The following SLC7A11 variants were observed in gnomAD, a reference collection of about 807,000 sequenced individuals.
The protein encoded by SLC7A11 is cystine/glutamate transporter.
Under a neutral mutation model 54.5 loss-of-function variants are expected in SLC7A11, and 35 were observed. The observed-to-expected ratio is 0.64, with a 90% CI of 0.49 to 0.85. The LOEUF is 0.85. Among genes scored for constraint, SLC7A11 ranks in the 40% least tolerant of loss-of-function variants. SLC7A11 has a pLI of 0.00. For missense variants in SLC7A11, 583 were observed against 618.1 expected (o/e 0.94, Z 0.60); for synonymous variants, 230 against 225.2 (o/e 1.02, Z -0.19).
intron 6 of SLC7A11, among the ~76,000 whole-genome samples, chr4:138,187,707 A>T (rs192410012): frequency 1.1e-3 from 167 of 152,300 alleles, no homozygotes; most frequent in Non-Finnish European, 2.0e-3. Context: ...GAAGGGGGCA[A>T]ACTGATTTCA....
At chr4:138,180,844 T>A in intron 9 of SLC7A11, 54 bp from the exon 10 acceptor site, 2 of 1,540,792 alleles carry the variant, frequency 1.3e-6, no homozygotes, top group Non-Finnish European at 1.8e-6. Flanking sequence ...CACAGATGAT[T>A]AACAACAAAA....
At chr4:138,181,155 G>A (rs1017915411) in intron 9 of SLC7A11, among the ~76,000 whole-genome samples, 4 of 152,070 alleles carry the variant, frequency 2.6e-5, no homozygotes, top group African/African-American at 9.7e-5. Flanking sequence ...GAGATGATTA[G>A]TAAATAACCG....
At chr4:138,185,491 A>G (rs978394125) in intron 6 of SLC7A11, among the ~76,000 whole-genome samples, 24 of 152,144 alleles carry the variant, frequency 1.6e-4, no homozygotes, top group African/African-American at 5.8e-4. Context: ...ATATGGATTT[A>G]TGTCATTCAT....
intron 1 of SLC7A11, among the ~76,000 whole-genome samples, chr4:138,239,042 G>A (rs1738310395): frequency 6.6e-6 from 1 of 152,170 alleles, no homozygotes; most frequent in Non-Finnish European, 1.5e-5. Flanking sequence ...CGAGTCTGCA[G>A]ACTAATATTT....
At chr4:138,214,552 C>T in intron 6 of SLC7A11, 33 bp downstream of exon 6, 1 of 1,297,320 alleles carries the variant, frequency 7.7e-7, no homozygotes, top group Non-Finnish European at 1.1e-6. Flanking sequence ...TTTTATTCTT[C>T]ATAAAAATTT....
At chr4:138,186,952 C>T (rs1018897788) in intron 6 of SLC7A11, among the ~76,000 whole-genome samples, 2 of 152,074 alleles carry the variant, frequency 1.3e-5, no homozygotes. Context: ...GAAAAAGACT[C>T]TCTGTTCCTT....
At chr4:138,229,429 G>A (rs1487233801) in intron 3 of SLC7A11, among the ~76,000 whole-genome samples, 2 of 152,166 alleles carry the variant, frequency 1.3e-5, no homozygotes, top group African/African-American at 4.8e-5. Context: ...CTTTTTAACT[G>A]TTGCTGATTA....
rs973417880 is a variant in SLC7A11 at position 138,180,870 on chromosome 4, A to G, written c.1117-80T>C. The G allele has an allele frequency of 2.0e-5, 25 of 1,240,468 alleles. No individual in the cohort carries two copies. The African/African-American group carries it at 2.9e-4, about 14-fold the overall frequency. 76.8% of individuals were successfully genotyped at this position (1,240,468 alleles called of 1,614,324 possible). The stretch of plus-strand genomic sequence containing the variant: ...AACAACAAAAACCTCACTATGCATT[A>G]CGACCTTTTTCAAATAATTATTTAT... On this transcript the variant is annotated intron_variant, in intron 9 of 11. Transcript: ENST00000280612.
rs1480743454 is a variant in SLC7A11 at position 138,205,789 on chromosome 4, A to ATTTT, written c.791+8795_791+8796insAAAA. On this transcript the variant is annotated intron_variant, in intron 6 of 11. Coordinates refer to ENST00000280612, the MANE Select transcript of SLC7A11 (RefSeq NM_014331.4). ...GGGTGCTATGTAAGTGTGGACTGAAAAGCTGGAGACAATATAATGGCTGAC... is the reference window on the plus strand; with the variant it reads ...GGGTGCTATGTAAGTGTGGACTGAAATTTTAGCTGGAGACAATATAATGGCTGAC... Among the ~76,000 whole-genome samples, 164 of 152,176 alleles carry ATTTT rather than the reference A, an allele frequency of 1.1e-3. 2 individuals carry two copies. The highest frequency in any genetic ancestry group is 3.7e-3 in the African/African-American group (152 of 41,554).
intron 7 of SLC7A11, 108 bp downstream of exon 7, chr4:138,185,013 G>T: frequency 7.8e-7 from 1 of 1,278,046 alleles, no homozygotes; most frequent in Non-Finnish European, 1.1e-6. Context: ...TTCAGGTCAA[G>T]AAAAGATTAC....
chr4:138,180,278 C>T (rs1380896241), intron 10 of SLC7A11, among the ~76,000 whole-genome samples: 1 of 152,128 alleles, frequency 6.6e-6, no homozygotes, highest in Non-Finnish European at 1.5e-5. Flanking sequence ...ATCTCCCTTA[C>T]TCCTCCTCAC....
Position 138,169,376 on chromosome 4 carries a change from T to A in SLC7A11, c.*2580A>T, listed in dbSNP as rs1357548014. ...GATGAGTCCTAAAAATAAGCCAAAA[T>A]ACTACTTAATCTCCATCACTTTTTT... On this transcript the variant is annotated 3_prime_UTR_variant, in exon 12 of 12. Transcript: ENST00000280612. 1 of 152,118 alleles carries A rather than the reference T, an allele frequency of 6.6e-6. No homozygotes were observed. Among genetic ancestry groups the A allele is most frequent in the East Asian group, 1.9e-4 (1 of 5,192 alleles). The allele number at this position is 152,118 out of a possible 1,614,324, so 9.4% of individuals were successfully genotyped here. A position where few individuals can be genotyped will look rare whatever the true frequency, so the allele number is the denominator to read the frequency against.
intron 6 of SLC7A11, among the ~76,000 whole-genome samples, chr4:138,196,608 T>C (rs1737137750): frequency 6.6e-6 from 1 of 152,174 alleles, no homozygotes; most frequent in South Asian, 2.1e-4. Context: ...GAAATAGGCT[T>C]ACATTGATGT....
intron 11 of SLC7A11, chr4:138,174,672 C>T (rs1226522433): frequency 1.3e-5 from 2 of 152,178 alleles, no homozygotes; most frequent in East Asian, 1.9e-4. Context: ...TGGCATTCAA[C>T]TGTCATGTCT....
At chr4:138,206,517 C>T (rs1335478041) in intron 6 of SLC7A11, among the ~76,000 whole-genome samples, 1 of 151,370 alleles carries the variant, frequency 6.6e-6, no homozygotes, top group African/African-American at 2.4e-5. Flanking sequence ...AATTTTGCCT[C>T]ATAGTGGAAT....
Position 138,236,433 on chromosome 4 carries a change from T to G in SLC7A11, c.296A>C (p.Glu99Ala). 6.2e-7 allele frequency: 1 copy of G among 1,610,172 alleles called. No homozygotes were observed. Among genetic ancestry groups the G allele is most frequent in the Non-Finnish European group, 8.5e-7 (1 of 1,178,818 alleles). ...LSLFGALSYA[E>A]LGTTIKKSGG... ...AGATTTCTTTATAGTTGTTCCCAAT[T>G]CAGCATAAGACAAAGCTCCTGTGAA... Residue 99 changes from glutamate (E) to alanine (A), a missense_variant, in exon 2 of 12, where the codon GAA becomes GCA. By Grantham distance (107) the Glu-to-Ala change is moderately radical. Coordinates refer to ENST00000280612, the MANE Select transcript of SLC7A11 (RefSeq NM_014331.4).
intron 9 of SLC7A11, 23 bp downstream of exon 9, chr4:138,182,274 A>C: frequency 7.1e-7 from 1 of 1,411,000 alleles, no homozygotes. Context: ...TTATATCTAG[A>C]TATACTTGTT....
At chr4:138,189,021 C>A (rs966344268) in intron 6 of SLC7A11, among the ~76,000 whole-genome samples, 1 of 152,038 alleles carries the variant, frequency 6.6e-6, no homozygotes, top group Non-Finnish European at 1.5e-5. Flanking sequence ...GGTCTTCAGT[C>A]GAAAAGGTCT....
At chr4:138,217,391 C>T (rs1737705125) in intron 5 of SLC7A11, among the ~76,000 whole-genome samples, 1 of 152,108 alleles carries the variant, frequency 6.6e-6, no homozygotes, top group African/African-American at 2.4e-5. Flanking sequence ...ATCAGAGAAA[C>T]ATTTTGGGGT....
Sources: gnomAD v4.1 joint callset for allele counts (sites outside exome capture counted in the v4.1 genomes callset) on GRCh38, gnomAD v4.1.1 for gene constraint, MANE v1.5 for transcripts, NCBI Gene and HGNC (gene_info 2026-07-23, HGNC 2026-07-21) for gene names.